Variants in NTNG1 observed in about 807,000 individuals in gnomAD.
NTNG1 encodes netrin-G1.
A neutral mutation model predicts 54.0 loss-of-function variants in NTNG1; 16 were observed. The observed-to-expected ratio is 0.30, with a 90% CI of 0.20 to 0.45. The LOEUF (loss-of-function observed/expected upper bound fraction) is 0.45, where lower values mean the gene tolerates loss of function less well. Among genes scored for constraint, NTNG1 ranks in the 20% least tolerant of loss-of-function variants. The pLI is 1.00. For synonymous variants in NTNG1, 255 were observed against 263.1 expected (o/e 0.97, Z 0.30); for missense variants, 530 against 678.7 (o/e 0.78, Z 2.43).
In NTNG1 at chr1:107,263,856, G is replaced by A. The variant is rs192337846; in HGVS notation, c.247-60426G>A. 9.3e-4 allele frequency among the ~76,000 whole-genome samples: 142 copies of A among 152,100 alleles called. 1 individual carries two copies. The highest frequency in any genetic ancestry group is 3.4e-3 in the African/African-American group (140 of 41,486). Reference sequence around the variant, plus strand: ...TTGAGGTTTGTATGTAACCATTGTTGGGATTTTGTTAAAAGAAATGTTATA... The same window carrying A: ...TTGAGGTTTGTATGTAACCATTGTTAGGATTTTGTTAAAAGAAATGTTATA... On this transcript the variant is annotated intron_variant, in intron 2 of 7. Transcript: ENST00000370068.
intron 3 of NTNG1, among the ~76,000 whole-genome samples, chr1:107,326,220 C>G (rs916692071): frequency 6.6e-6 from 1 of 151,980 alleles, no homozygotes; most frequent in African/African-American, 2.4e-5. Context: ...GCTTCATGTT[C>G]CTCATGGAAG....
rs139055909 is a variant in NTNG1, at chr1:107,482,700, A to C, written c.*1860A>C. 34 of 152,310 alleles carry C rather than the reference A, an allele frequency of 2.2e-4. No homozygotes were observed. Among genetic ancestry groups the C allele is most frequent in the African/African-American group, 7.2e-4 (30 of 41,552 alleles). The allele number at this position is 152,310 out of a possible 1,614,324, so 9.4% of individuals were successfully genotyped here. Reference sequence around the variant, plus strand: ...AGGTCAGAAACCTAGTTCCAGTCTGAATTCTTCACCCTGCTGCCACTCCTT... The same window carrying C: ...AGGTCAGAAACCTAGTTCCAGTCTGCATTCTTCACCCTGCTGCCACTCCTT... On this transcript the variant is annotated 3_prime_UTR_variant, in exon 8 of 8. Transcript: ENST00000370068.
At chr1:107,330,946 T>C (rs1296578752) in intron 3 of NTNG1, 1 of 152,144 alleles carries the variant, frequency 6.6e-6, no homozygotes, top group Non-Finnish European at 1.5e-5. Flanking sequence ...AATGTCATTC[T>C]AATAGTCCCC....
At chr1:107,476,566 T>G (rs1220597696) in intron 7 of NTNG1, among the ~76,000 whole-genome samples, 1 of 152,200 alleles carries the variant, frequency 6.6e-6, no homozygotes, top group Non-Finnish European at 1.5e-5. Flanking sequence ...ATTATGCATC[T>G]AAATACCCCA....
At chr1:107,175,158 A>G (rs1656553271) in intron 2 of NTNG1, among the ~76,000 whole-genome samples, 1 of 152,184 alleles carries the variant, frequency 6.6e-6, no homozygotes. Flanking sequence ...AAGAATTCCA[A>G]ACTCAAGAAA....
chr1:107,405,815 T>C (rs957487912), intron 4 of NTNG1, among the ~76,000 whole-genome samples: 2 of 152,146 alleles, frequency 1.3e-5, no homozygotes, highest in African/African-American at 4.8e-5. Context: ...ACTTCTGCAA[T>C]TGATACTAAA....
intron 2 of NTNG1, among the ~76,000 whole-genome samples, chr1:107,264,073 T>C (rs1663565439): frequency 6.6e-6 from 1 of 151,918 alleles, no homozygotes; most frequent in African/African-American, 2.4e-5. Context: ...TCTATAGTCC[T>C]CTCTCTCTCT....
chr1:107,324,258 C>G, intron 2 of NTNG1, 24 bp from the exon 3 acceptor site: 1 of 1,601,592 alleles, frequency 6.2e-7, no homozygotes, highest in Non-Finnish European at 8.5e-7. Context: ...TTTTGATGCA[C>G]GCTCTTTTGT....
chr1:107,425,452 T>C (rs1384303799), intron 5 of NTNG1, among the ~76,000 whole-genome samples: 1 of 152,090 alleles, frequency 6.6e-6, no homozygotes, highest in Non-Finnish European at 1.5e-5. Flanking sequence ...TCTGCTTCTC[T>C]GTTAGTTCAC....
intron 2 of NTNG1, among the ~76,000 whole-genome samples, chr1:107,199,744 T>G (rs187142688): frequency 2.0e-5 from 3 of 152,032 alleles, no homozygotes; most frequent in Non-Finnish European, 4.4e-5. Context: ...ACTTCAAAAT[T>G]ACCATAATTA....
chr1:107,223,684 AAC>A lies in NTNG1; in HGVS notation c.246+74847_246+74848del, dbSNP rs150161339. Among the ~76,000 whole-genome samples the A allele has an allele frequency of 7.9e-3, 1,199 of 152,322 alleles. 17 individuals are homozygous for A. Among genetic ancestry groups the A allele is most frequent in the African/African-American group, 0.027 (1,135 of 41,572 alleles). ...AGTATTGGTTTCATAACAAAAAATAAACAGTCTTGAATTTTCTGAGTGGAGCT... is the reference window on the plus strand; with the variant it reads ...AGTATTGGTTTCATAACAAAAAATAAAGTCTTGAATTTTCTGAGTGGAGCT... On this transcript the variant is annotated intron_variant, in intron 2 of 7. Coordinates refer to ENST00000370068, the MANE Select transcript of NTNG1 (RefSeq NM_001113226.3).
At chr1:107,377,551 A>G (rs1570804808) in intron 3 of NTNG1, among the ~76,000 whole-genome samples, 1 of 152,328 alleles carries the variant, frequency 6.6e-6, no homozygotes, top group African/African-American at 2.4e-5. Context: ...CCTTTGAGAC[A>G]GCAAAATTCA....
chr1:107,372,097 A>G (rs578203806), intron 3 of NTNG1, among the ~76,000 whole-genome samples: 7 of 152,036 alleles, frequency 4.6e-5, no homozygotes, highest in South Asian at 2.1e-4. Context: ...TAGAGATTCA[A>G]CTTAATTTAT....
chr1:107,358,129 A>G (rs1312423762), intron 3 of NTNG1, among the ~76,000 whole-genome samples: 3 of 152,200 alleles, frequency 2.0e-5, no homozygotes, highest in African/African-American at 4.8e-5. Context: ...CTAAGAATGC[A>G]TATATAACAA....
chr1:107,478,764 A>G (rs1678500922), intron 7 of NTNG1, among the ~76,000 whole-genome samples: 3 of 152,224 alleles, frequency 2.0e-5, no homozygotes, highest in South Asian at 4.1e-4. Flanking sequence ...TGTTGCCCCA[A>G]TTAAACATAT....
intron 2 of NTNG1, among the ~76,000 whole-genome samples, chr1:107,177,479 C>T (rs1428097972): frequency 1.3e-5 from 2 of 152,042 alleles, no homozygotes; most frequent in Non-Finnish European, 2.9e-5. Flanking sequence ...GAATTGCAGG[C>T]ACTCACCACC....
intron 5 of NTNG1, among the ~76,000 whole-genome samples, chr1:107,417,606 G>A (rs951230176): frequency 7.2e-5 from 11 of 151,910 alleles, no homozygotes; most frequent in African/African-American, 2.7e-4. Flanking sequence ...TCCACATATC[G>A]GTGAGAAAAC....
At chr1:107,224,429 G>A (rs1444785978) in intron 2 of NTNG1, among the ~76,000 whole-genome samples, 1 of 152,100 alleles carries the variant, frequency 6.6e-6, no homozygotes, top group Admixed American at 6.6e-5. Context: ...ATTGGTCACT[G>A]ATTTCTAAGG....
intron 2 of NTNG1, among the ~76,000 whole-genome samples, chr1:107,152,513 T>C (rs1173586017): frequency 6.6e-6 from 1 of 152,202 alleles, no homozygotes; most frequent in Admixed American, 6.5e-5. Flanking sequence ...CAGTTATCTC[T>C]AGCCTGCAGC....
Sources: allele counts gnomAD v4.1 joint callset (sites outside exome capture counted in the v4.1 genomes callset), GRCh38; gene constraint gnomAD v4.1.1; transcripts MANE v1.5; gene names NCBI Gene and HGNC (gene_info 2026-07-23, HGNC 2026-07-21).